Variants in CLUAP1 observed in about 807,000 individuals in gnomAD.
CLUAP1 encodes the protein intraflagellar transport 38, also known as clusterin-associated protein 1.
Under a neutral mutation model 55.0 loss-of-function variants are expected in CLUAP1, and 50 were observed. That is an observed-to-expected ratio of 0.91 (90% CI 0.72 to 1.15). The LOEUF (loss-of-function observed/expected upper bound fraction) is 1.15, where lower values mean the gene tolerates loss of function less well. Ranked by LOEUF, CLUAP1 falls within the 50% of genes most tolerant of loss-of-function variation. The pLI, the probability that CLUAP1 is intolerant of heterozygous loss-of-function variation, is 0.00. For missense variants in CLUAP1, 530 were observed against 507.6 expected (o/e 1.04, Z -0.42); for synonymous variants, 195 against 175.4 (o/e 1.11, Z -0.88).
rs746068967 is a variant in CLUAP1, at chr16:3,523,307, G to A, written c.855+8G>A. 1 of 1,606,470 alleles carries A rather than the reference G, an allele frequency of 6.2e-7. No homozygotes were observed. Among genetic ancestry groups the A allele is most frequent in the Non-Finnish European group, 8.5e-7 (1 of 1,177,530 alleles). ...GAGCAAGAAAGGTTTGAGGTGAGCT[G>A]AGCCTGTCCTCTGTTCAGCCATTCC... is the stretch of plus-strand genomic sequence containing the variant. On this transcript the variant is annotated splice_region_variant and intron_variant, in intron 8 of 11. Coordinates refer to ENST00000576634, the MANE Select transcript of CLUAP1 (RefSeq NM_015041.3).
intron 7 of CLUAP1, among the ~76,000 whole-genome samples, chr16:3,520,952 C>T (rs897482360): frequency 1.3e-5 from 2 of 152,090 alleles, no homozygotes; most frequent in African/African-American, 4.8e-5. Flanking sequence ...TCTTGGCTCC[C>T]TCCTCTTCCC....
chr16:3,508,560 C>T (rs2037555205), intron 4 of CLUAP1, 92 bp downstream of exon 4: 1 of 1,212,832 alleles, frequency 8.2e-7, no homozygotes, highest in Non-Finnish European at 1.1e-6. Context: ...CGCTGCTTTT[C>T]TTCCTCCTCA....
At chr16:3,504,588 A>T in intron 1 of CLUAP1, 132 bp from the exon 2 acceptor site, 1 of 604,994 alleles carries the variant, frequency 1.7e-6, no homozygotes, top group South Asian at 2.2e-5. Flanking sequence ...TTTCCCTTGT[A>T]GAAAGTTGAC....
intron 8 of CLUAP1, among the ~76,000 whole-genome samples, chr16:3,525,157 G>A (rs1230091129): frequency 1.3e-5 from 2 of 152,162 alleles, no homozygotes; most frequent in African/African-American, 4.8e-5. Flanking sequence ...GAAATGGTAC[G>A]GGACAGGCAC....
At chr16:3,503,839 C>T (rs187453914) in intron 1 of CLUAP1, among the ~76,000 whole-genome samples, 808 of 152,280 alleles carry the variant, frequency 5.3e-3, no homozygotes, top group Non-Finnish European at 7.0e-3. Flanking sequence ...CCTGTGCTCA[C>T]ACTTTCTGTT....
At chr16:3,525,248 GAAA>G (rs1339579763) in intron 8 of CLUAP1, among the ~76,000 whole-genome samples, 1 of 152,124 alleles carries the variant, frequency 6.6e-6, no homozygotes, top group East Asian at 1.9e-4. Flanking sequence ...CAAGGGCAGT[GAAA>G]AGAAACGTTG....
intron 11 of CLUAP1, 157 bp from the exon 12 acceptor site, chr16:3,535,965 G>A: frequency 1.3e-6 from 1 of 749,610 alleles, no homozygotes; most frequent in Non-Finnish European, 2.1e-6. Flanking sequence ...CATAGCCTCA[G>A]TCCCATCTGT....
At chr16:3,530,710 C>T (rs779113808) in intron 10 of CLUAP1, 35 bp downstream of exon 10, 54 of 1,547,008 alleles carry the variant, frequency 3.5e-5, no homozygotes, top group South Asian at 1.0e-4. Context: ...TTCCTCCCTG[C>T]GCCCTGTTTC....
intron 6 of CLUAP1, among the ~76,000 whole-genome samples, 157 bp from the exon 7 acceptor site, chr16:3,519,746 G>A (rs1055236549): frequency 1.3e-5 from 2 of 152,208 alleles, no homozygotes; most frequent in Non-Finnish European, 2.9e-5. Context: ...TGGAACTAGT[G>A]GGTTAAGTGA....
At chr16:3,524,607 A>G (rs2037905338) in intron 8 of CLUAP1, among the ~76,000 whole-genome samples, 1 of 151,486 alleles carries the variant, frequency 6.6e-6, no homozygotes, top group South Asian at 2.1e-4. Flanking sequence ...AAAAAAAAAA[A>G]AAAAAAAAAA....
rs2038097056 is a variant in CLUAP1 at position 3,530,670 on chromosome 16, T to C, written c.1031T>C (p.Met344Thr). The change falls in exon 10 of 12, where the codon ATG (methionine) becomes ACG (threonine). Residue 344 changes from methionine to threonine, a missense_variant. By Grantham distance (81) the Met-to-Thr change is moderately conservative. Coordinates refer to ENST00000576634, the MANE Select transcript of CLUAP1 (RefSeq NM_015041.3). ...CCACAGACAGCCATGGAGATGCTCA[T>C]GCAAGGTACCCCGGCGTCTTTCGCT... ...PKPQTAMEMLMQGRPGKRIVG... is the reference protein window; with the variant it reads ...PKPQTAMEMLTQGRPGKRIVG... The C allele has an allele frequency of 1.9e-6, 3 of 1,613,702 alleles. No homozygotes were observed. The highest frequency in any genetic ancestry group is 2.2e-5 in the East Asian group (1 of 44,858).
intron 8 of CLUAP1, among the ~76,000 whole-genome samples, chr16:3,525,906 T>A (rs981753300): frequency 6.6e-6 from 1 of 152,184 alleles, no homozygotes; most frequent in African/African-American, 2.4e-5. Context: ...CCACATTTTA[T>A]GATCTGAGAT....
intron 2 of CLUAP1, 42 bp downstream of exon 2, chr16:3,504,873 GT>G: frequency 4.3e-6 from 5 of 1,154,070 alleles, no homozygotes; most frequent in Non-Finnish European, 6.6e-6. Flanking sequence ...TGAATACTGG[GT>G]TTTATTTATT....
At chr16:3,513,651 T>C (rs542005265) in intron 5 of CLUAP1, among the ~76,000 whole-genome samples, 1 of 152,162 alleles carries the variant, frequency 6.6e-6, no homozygotes, top group Admixed American at 6.5e-5. Flanking sequence ...GGTTTCATCA[T>C]GTTGGCCAGG....
chr16:3,506,914 A>T (rs1232711312), intron 3 of CLUAP1, among the ~76,000 whole-genome samples: 1 of 152,096 alleles, frequency 6.6e-6, no homozygotes, highest in African/African-American at 2.4e-5. Context: ...AATTTTGTTT[A>T]TGCCAGGTGT....
intron 8 of CLUAP1, 41 bp downstream of exon 8, chr16:3,523,340 G>C: frequency 6.4e-7 from 1 of 1,571,698 alleles, no homozygotes; most frequent in Middle Eastern, 1.7e-4. Flanking sequence ...TCCTTCTGGT[G>C]TGTTATTTTG....
At chr16:3,521,204 A>G (rs578229615) in intron 7 of CLUAP1, among the ~76,000 whole-genome samples, 12 of 152,036 alleles carry the variant, frequency 7.9e-5, no homozygotes, top group African/African-American at 2.9e-4. Context: ...GCCGCCATAT[A>G]GATTGATCTC....
chr16:3,536,204 CACCA>C lies in CLUAP1; in HGVS notation c.1181_1184del (p.Thr394SerfsTer46). The C allele has an allele frequency of 1.2e-6, 2 of 1,614,194 alleles. No homozygotes were observed. The highest frequency in any genetic ancestry group is 1.7e-6 in the Non-Finnish European group (2 of 1,180,042). ...TTGGAAGACGAGAGCATTTCTCTCT[CACCA>C]ACCAAGCCCAATCGAAGGGTCCGGA... On this transcript the variant is annotated frameshift_variant, in exon 12 of 12. Transcript: ENST00000576634. LOFTEE classifies it high-confidence loss of function.
chr16:3,515,241 G>A, intron 5 of CLUAP1: 1 of 275,364 alleles, frequency 3.6e-6, no homozygotes, highest in East Asian at 6.9e-5. Context: ...AAAAGATAAT[G>A]GATGCTAAGT....
Sources: allele counts gnomAD v4.1 joint callset (sites outside exome capture counted in the v4.1 genomes callset), GRCh38; gene constraint gnomAD v4.1.1; transcripts MANE v1.5; gene names NCBI Gene and HGNC (gene_info 2026-07-23, HGNC 2026-07-21).